THSD4: variants seen among roughly 807,000 people sequenced by gnomAD.
THSD4 encodes the protein thrombospondin type 1 domain containing 4.
In THSD4, 69 loss-of-function variants were observed where a neutral mutation model predicts 119.0. The observed-to-expected ratio is 0.58, with a 90% CI of 0.48 to 0.71. The LOEUF (loss-of-function observed/expected upper bound fraction) is 0.71, where lower values mean the gene tolerates loss of function less well. Among genes scored for constraint, THSD4 ranks in the 30% least tolerant of loss-of-function variants. The pLI, the probability that THSD4 is intolerant of heterozygous loss-of-function variation, is 0.00. For missense variants in THSD4, 1,393 were observed against 1,391.1 expected (o/e 1.00, Z -0.02); for synonymous variants, 524 against 540.4 (o/e 0.97, Z 0.42).
intron 3 of THSD4, among the ~76,000 whole-genome samples, chr15:71,160,039 AT>A (rs1298649104): frequency 6.6e-6 from 1 of 152,046 alleles, no homozygotes; most frequent in Non-Finnish European, 1.5e-5. Flanking sequence ...GGAATGTTGA[AT>A]TTTGTCATTT....
intron 1 of THSD4, among the ~76,000 whole-genome samples, chr15:71,108,867 C>T (rs1418839965): frequency 6.6e-6 from 1 of 152,114 alleles, no homozygotes; most frequent in African/African-American, 2.4e-5. Context: ...TGGCATGTGC[C>T]TGTAGTCCCA....
intron 7 of THSD4, among the ~76,000 whole-genome samples, chr15:71,546,841 G>T (rs1293266376): frequency 3.3e-5 from 5 of 152,332 alleles, no homozygotes; most frequent in Middle Eastern, 6.8e-3. Context: ...GAACTCAGAA[G>T]TCATTCACCC....
At chr15:71,504,854 A>G (rs552990016) in intron 7 of THSD4, among the ~76,000 whole-genome samples, 4 of 152,264 alleles carry the variant, frequency 2.6e-5, no homozygotes, top group Non-Finnish European at 4.4e-5. Flanking sequence ...AGGACCCAAC[A>G]TTAACATGTA....
At chr15:71,383,694 C>A (rs2046256012) in intron 6 of THSD4, among the ~76,000 whole-genome samples, 3 of 152,150 alleles carry the variant, frequency 2.0e-5, no homozygotes, top group Non-Finnish European at 2.9e-5. Context: ...GTATCTGCTT[C>A]TGCATCCATG....
chr15:71,258,609 A>G (rs78024219), intron 6 of THSD4, among the ~76,000 whole-genome samples: 2,572 of 152,340 alleles, frequency 0.017, 32 homozygotes, highest in Non-Finnish European at 0.025. Context: ...TCTTGAAGGC[A>G]TTGTACTCCC....
intron 6 of THSD4, among the ~76,000 whole-genome samples, chr15:71,328,257 G>A (rs2045372651): frequency 6.6e-6 from 1 of 152,162 alleles, no homozygotes; most frequent in Non-Finnish European, 1.5e-5. Flanking sequence ...GCCACTTGGG[G>A]ATCTCCATCT....
At chr15:71,630,967 C>T (rs1236270546) in intron 7 of THSD4, among the ~76,000 whole-genome samples, 1 of 152,164 alleles carries the variant, frequency 6.6e-6, no homozygotes, top group Non-Finnish European at 1.5e-5. Context: ...GTGGCCTCTC[C>T]CCACCAGATG....
chr15:71,478,954 A>T (rs920183432), intron 7 of THSD4, among the ~76,000 whole-genome samples: 1 of 152,126 alleles, frequency 6.6e-6, no homozygotes, highest in Non-Finnish European at 1.5e-5. Context: ...ATTTCCTGAA[A>T]CCACAGGTCT....
rs1285309683 is a variant in THSD4 at position 71,115,930 on chromosome 15, T to C, written c.-80+232T>C. 1.3e-5 allele frequency among the ~76,000 whole-genome samples: 2 copies of C among 152,152 alleles called. No homozygotes were observed. Among genetic ancestry groups the C allele is most frequent in the African/African-American group, 4.8e-5 (2 of 41,464 alleles). On this transcript the variant is annotated intron_variant, in intron 1 of 17. Transcript: ENST00000261862. This position sits in a 1 kb window ranked among gnomAD's most constrained non-coding sequence, Gnocchi z 4.4. The stretch of plus-strand genomic sequence containing the variant: ...CTCCTTCTCTGGTTCTCTTCCTTGC[T>C]GGGAGTCTTGCTCTGTGCTGGCGCC...
chr15:71,728,999 A>T, intron 9 of THSD4: 1 of 461,088 alleles, frequency 2.2e-6, no homozygotes, highest in Non-Finnish European at 4.0e-6. Flanking sequence ...GAACCAAATC[A>T]GAGGCAAAAC....
At chr15:71,757,532 G>GAGATCCTCCTGCCTCAGCCTCC in intron 14 of THSD4, among the ~76,000 whole-genome samples, 1 of 152,172 alleles carries the variant, frequency 6.6e-6, no homozygotes, top group Non-Finnish European at 1.5e-5. Flanking sequence ...CTGGGCTCAA[G>GAGATCCTCCTGCCTCAGCCTCC]CGATCCTCCC....
At chr15:71,187,234 AC>A (rs1200190088) in intron 3 of THSD4, 1 of 152,536 alleles carries the variant, frequency 6.6e-6, no homozygotes, top group Non-Finnish European at 1.5e-5. Context: ...CTTCCTCCAC[AC>A]CCTTTCTCCT....
At chr15:71,227,494 A>C (rs1435379774) in intron 4 of THSD4, among the ~76,000 whole-genome samples, 5 of 152,202 alleles carry the variant, frequency 3.3e-5, no homozygotes, top group Non-Finnish European at 7.3e-5. Context: ...GGGGGTTGCT[A>C]TCGTTTCCTT....
intron 7 of THSD4, among the ~76,000 whole-genome samples, chr15:71,424,012 G>A (rs916798648): frequency 2.6e-5 from 4 of 152,086 alleles, no homozygotes; most frequent in African/African-American, 4.8e-5. Flanking sequence ...TCCCAAAAGC[G>A]CTCCGACTCT....
rs375541278 is a variant in THSD4, at chr15:71,259,113, CA to C, written c.1015+2407del. ...GGACAACAAGAGTGCAACTCCGTCTCAAAAAAAAACAAAAAACAAAAAAAAA... is the reference window on the plus strand; with the variant it reads ...GGACAACAAGAGTGCAACTCCGTCTCAAAAAAAACAAAAAACAAAAAAAAA... On this transcript the variant is annotated intron_variant, in intron 6 of 17. Transcript: ENST00000261862. Among the ~76,000 whole-genome samples, 439 of 145,102 alleles carry C rather than the reference CA, an allele frequency of 3.0e-3. 2 individuals are homozygous for C. The highest frequency in any genetic ancestry group is 0.01 in the African/African-American group (395 of 39,336).
intron 16 of THSD4, among the ~76,000 whole-genome samples, chr15:71,768,166 A>G (rs577338497): frequency 6.6e-6 from 1 of 152,158 alleles, no homozygotes; most frequent in Non-Finnish European, 1.5e-5. Flanking sequence ...TAGAATTAGA[A>G]TTAGAATTCT....
intron 7 of THSD4, among the ~76,000 whole-genome samples, chr15:71,430,983 A>G (rs1003759595): frequency 1.3e-5 from 2 of 152,302 alleles, no homozygotes; most frequent in Admixed American, 1.3e-4. Flanking sequence ...GTTCTGTTAC[A>G]AGAAGAACAG....
chr15:71,736,478 A>G (rs111067755), intron 10 of THSD4, among the ~76,000 whole-genome samples: 8,699 of 86,936 alleles, frequency 0.1, 260 homozygotes, highest in South Asian at 0.2. Context: ...TGTCTCTCTC[A>G]CTCTCTGTCT....
chr15:71,724,587 T>C (rs1260061693), intron 8 of THSD4, among the ~76,000 whole-genome samples: 1 of 152,042 alleles, frequency 6.6e-6, no homozygotes, highest in Non-Finnish European at 1.5e-5. Flanking sequence ...GCCCAGTCTT[T>C]TTTGCCTAGA....
Sources: allele counts gnomAD v4.1 joint callset (sites outside exome capture counted in the v4.1 genomes callset), GRCh38; gene constraint gnomAD v4.1.1; non-coding constraint Gnocchi (gnomAD v3.1); transcripts MANE v1.5; gene names NCBI Gene and HGNC (gene_info 2026-07-23, HGNC 2026-07-21).